The following CDH13 variants were observed in gnomAD, a reference collection of about 807,000 sequenced individuals.
CDH13 encodes the protein cadherin 13, also known as cadherin-13.
A neutral mutation model predicts 63.8 loss-of-function variants in CDH13; 24 were observed. That is an observed-to-expected ratio of 0.38 (90% confidence interval 0.27 to 0.53). The LOEUF is 0.53. Among genes scored for constraint, CDH13 ranks in the 20% least tolerant of loss-of-function variants. The pLI is 0.85. For synonymous variants in CDH13, 503 were observed against 355.3 expected (o/e 1.42, Z -4.67); for missense variants, 1,049 against 903.1 (o/e 1.16, Z -2.07).
chr16:82,880,010 T>A (rs1467547306), intron 2 of CDH13, among the ~76,000 whole-genome samples: 1 of 147,754 alleles, frequency 6.8e-6, no homozygotes, highest in Non-Finnish European at 1.5e-5. Context: ...TAATAGATTA[T>A]ATTAATAGAT....
At chr16:82,707,164 A>T (rs1419797558) in intron 1 of CDH13, among the ~76,000 whole-genome samples, 1 of 152,236 alleles carries the variant, frequency 6.6e-6, no homozygotes, top group Non-Finnish European at 1.5e-5. Flanking sequence ...TAGTTGATTT[A>T]GTTGTATCAA....
chr16:82,777,807 G>A (rs2035567191), intron 1 of CDH13, among the ~76,000 whole-genome samples: 1 of 152,130 alleles, frequency 6.6e-6, no homozygotes, highest in Non-Finnish European at 1.5e-5. Context: ...TTTTCAGGCT[G>A]CTGGACTGAG....
At chr16:83,405,278 G>T (rs2092025215) in intron 6 of CDH13, among the ~76,000 whole-genome samples, 1 of 152,342 alleles carries the variant, frequency 6.6e-6, no homozygotes. Context: ...CCTGGAAGAT[G>T]TGCAAGTACT....
In CDH13 at chr16:83,798,452, C is replaced by T. The variant is rs1177672973; in HGVS notation, c.*3422C>T. ...TTATGTGCCCACACTGTACAAAATC[C>T]TTACAGATAGTAACTCATTAATCCC... is the stretch of plus-strand genomic sequence containing the variant. On this transcript the variant is annotated 3_prime_UTR_variant, in exon 14 of 14. Coordinates refer to ENST00000567109, the MANE Select transcript of CDH13 (RefSeq NM_001257.5). 4 of 152,150 alleles carry T rather than the reference C, an allele frequency of 2.6e-5. No individual in the cohort carries two copies. Among genetic ancestry groups the T allele is most frequent in the Admixed American group, 6.5e-5 (1 of 15,276 alleles). The allele number at this position is 152,150 out of a possible 1,614,324, so 9.4% of individuals were successfully genotyped here.
intron 13 of CDH13, 125 bp downstream of exon 13, chr16:83,783,597 G>C: frequency 1.3e-6 from 1 of 784,782 alleles, no homozygotes; most frequent in Non-Finnish European, 2.2e-6. Flanking sequence ...TTCATCTTTA[G>C]TGTATGTCTG....
At position 82,644,873 on chromosome 16, in the gene CDH13, G is replaced by C. The variant is rs1275264226; in HGVS notation, c.45+17736G>C. Among the ~76,000 whole-genome samples, 2 of 152,316 alleles carry C rather than the reference G, an allele frequency of 1.3e-5. No homozygotes were observed. The highest frequency in any genetic ancestry group is 1.5e-5 in the Non-Finnish European group (1 of 68,026). On this transcript the variant is annotated intron_variant, in intron 1 of 13. Transcript: ENST00000567109. The surrounding 1 kb of genome is among the most constrained non-coding windows in gnomAD (Gnocchi z 5.7). ...CAAAATGTGTTCTGAAGAGATACTG[G>C]TTCCATGGGAGGTTAATATGGGTTC... is the stretch of plus-strand genomic sequence containing the variant.
chr16:83,320,164 C>T (rs1356552607), intron 5 of CDH13, among the ~76,000 whole-genome samples: 2 of 151,940 alleles, frequency 1.3e-5, no homozygotes, highest in African/African-American at 4.8e-5. Context: ...CTCAACCTCA[C>T]GAGTAGCTAC....
chr16:83,554,482 T>C (rs9925024), intron 7 of CDH13, among the ~76,000 whole-genome samples: 1,593 of 152,332 alleles, frequency 0.01, 21 homozygotes, highest in African/African-American at 0.037. Flanking sequence ...CACGAACTTC[T>C]GCAAAAGCTG....
At chr16:83,547,241 A>G (rs2075402444) in intron 7 of CDH13, among the ~76,000 whole-genome samples, 1 of 152,228 alleles carries the variant, frequency 6.6e-6, no homozygotes. Flanking sequence ...CACAGCAGTG[A>G]GCCTGGACCC....
At chr16:83,757,142 CTG>C (rs1397529570) in intron 11 of CDH13, among the ~76,000 whole-genome samples, 1 of 152,170 alleles carries the variant, frequency 6.6e-6, no homozygotes, top group Non-Finnish European at 1.5e-5. Context: ...CCCTAACTGA[CTG>C]AACATAAAAC....
chr16:83,456,321 G>A (rs552715100), intron 6 of CDH13, among the ~76,000 whole-genome samples: 122 of 152,328 alleles, frequency 8.0e-4, no homozygotes, highest in Middle Eastern at 3.4e-3. Context: ...ACAGGAAAGG[G>A]ACTGGTTGAG....
intron 6 of CDH13, among the ~76,000 whole-genome samples, chr16:83,388,247 G>C (rs2151425615): frequency 1.4e-5 from 2 of 148,048 alleles, no homozygotes; most frequent in East Asian, 4.0e-4. Context: ...AGGAGTTGGA[G>C]ACCAGCCTGG....
Position 83,423,005 on chromosome 16 carries a change from CG to C in CDH13, c.782-63471del, listed in dbSNP as rs1213551578. On this transcript the variant is annotated intron_variant, in intron 6 of 13. Transcript: ENST00000567109. ...AGGTAAATTAGACATGCAAGATTTA[CG>C]TTCCAGAAAGCTTCATTTTTGTGTT... Among the ~76,000 whole-genome samples, 8 of 152,092 alleles carry C rather than the reference CG, an allele frequency of 5.3e-5. No individual in the cohort carries two copies. The East Asian group carries it at 1.5e-3, about 29-fold the overall frequency.
chr16:83,537,170 G>C (rs1448491813), intron 7 of CDH13, among the ~76,000 whole-genome samples: 1 of 152,184 alleles, frequency 6.6e-6, no homozygotes, highest in Non-Finnish European at 1.5e-5. Context: ...CATTTGATAT[G>C]TCTCAAAGGC....
At chr16:83,676,378 C>G (rs1914957206) in intron 9 of CDH13, among the ~76,000 whole-genome samples, 1 of 152,126 alleles carries the variant, frequency 6.6e-6, no homozygotes, top group Non-Finnish European at 1.5e-5. Context: ...GTTCAGAGGG[C>G]CCACCCTCAG....
At chr16:83,488,253 A>T (rs142385806) in intron 7 of CDH13, among the ~76,000 whole-genome samples, 79 of 152,342 alleles carry the variant, frequency 5.2e-4, no homozygotes, top group African/African-American at 1.8e-3. Flanking sequence ...CTACTGGGCA[A>T]CAATGGCCTA....
chr16:83,760,112 A>G (rs1913843774), intron 11 of CDH13, among the ~76,000 whole-genome samples: 1 of 152,200 alleles, frequency 6.6e-6, no homozygotes, highest in Non-Finnish European at 1.5e-5. Flanking sequence ...TAAATTATAC[A>G]AATATAAATT....
intron 1 of CDH13, among the ~76,000 whole-genome samples, chr16:82,643,769 G>T (rs535429482): frequency 9.9e-5 from 15 of 152,234 alleles, no homozygotes; most frequent in African/African-American, 3.6e-4. Context: ...TTAAGACAGG[G>T]TCTTTCTCTG....
chr16:83,060,428 G>C (rs1024150292), intron 3 of CDH13, among the ~76,000 whole-genome samples: 1 of 152,134 alleles, frequency 6.6e-6, no homozygotes, highest in African/African-American at 2.4e-5. Flanking sequence ...AAGTGTGAAA[G>C]GGAAGAGAAC....
Sources: gnomAD v4.1 joint callset for allele counts (sites outside exome capture counted in the v4.1 genomes callset) on GRCh38, gnomAD v4.1.1 for gene constraint, Gnocchi (gnomAD v3.1) non-coding constraint, MANE v1.5 for transcripts, NCBI Gene and HGNC (gene_info 2026-07-23, HGNC 2026-07-21) for gene names.